The following ZNF488 variants were observed in gnomAD, a reference collection of about 807,000 sequenced individuals.
ZNF488 encodes the protein zinc finger protein 488.
Under a neutral mutation model 1.2 loss-of-function variants are expected in ZNF488, and 1 was observed. The observed-to-expected ratio is 0.86, with a 90% confidence interval of 0.30 to 4.07. The LOEUF is 4.07. Ranked by LOEUF, ZNF488 falls within the 30% of genes most tolerant of loss-of-function variation. ZNF488 has a pLI of 0.18. For missense variants in ZNF488, 450 were observed against 437.9 expected (o/e 1.03, Z -0.25); for synonymous variants, 185 against 190.1 (o/e 0.97, Z 0.22).
chr10:47,378,282 T>C (rs1837771575), intron 1 of ZNF488, among the ~76,000 whole-genome samples: 1 of 152,212 alleles, frequency 6.6e-6, no homozygotes, highest in South Asian at 2.1e-4. Context: ...AGACATGCAC[T>C]GACCACATGT....
In ZNF488 at chr10:47,367,496, C is replaced by A. The variant is rs998173667; in HGVS notation, c.*311G>T. On this transcript the variant is annotated 3_prime_UTR_variant, in exon 2 of 2. Transcript: ENST00000585316. Reference sequence around the variant, plus strand: ...GGTCACAGCTAGTATGTGAAAGAGCCCAGATTCGAATCCAGGCTTGTGTGC... The same window carrying A: ...GGTCACAGCTAGTATGTGAAAGAGCACAGATTCGAATCCAGGCTTGTGTGC... The A allele has an allele frequency of 2.5e-6, 1 of 400,834 alleles. No homozygotes were observed. Among genetic ancestry groups the A allele is most frequent in the Non-Finnish European group, 4.6e-6 (1 of 215,824 alleles). The allele number at this position is 400,834 out of a possible 1,614,324, so 24.8% of individuals were successfully genotyped here.
intron 1 of ZNF488, among the ~76,000 whole-genome samples, chr10:47,380,026 C>T (rs957754813): frequency 2.0e-5 from 3 of 152,300 alleles, no homozygotes; most frequent in Admixed American, 6.5e-5. Flanking sequence ...CCTTCACAGA[C>T]ACCAGCTGCC....
chr10:47,376,408 C>T (rs1225786529), intron 1 of ZNF488, among the ~76,000 whole-genome samples: 4 of 152,266 alleles, frequency 2.6e-5, no homozygotes, highest in East Asian at 1.9e-4. Flanking sequence ...TTCCTGTAAA[C>T]GACCACTTTT....
At chr10:47,377,730 G>A (rs961576274) in intron 1 of ZNF488, among the ~76,000 whole-genome samples, 2 of 130,368 alleles carry the variant, frequency 1.5e-5, no homozygotes, top group South Asian at 2.5e-4. Context: ...GCTGCCACCC[G>A]GAGGCGCCGG....
chr10:47,377,671 TCACACACACACACACA>T (rs55901237), intron 1 of ZNF488, among the ~76,000 whole-genome samples: 31,274 of 104,958 alleles, frequency 0.3, 4,403 homozygotes, highest in East Asian at 0.54. Flanking sequence ...GCAATAACAA[TCACACACACACACACA>T]CACACACACA....
In ZNF488 at chr10:47,367,891, T is replaced by C; in HGVS notation, c.939A>G (p.Arg313=). ...ACACAGGGCAGGCAAGGGCCTCTTCTCTCCGCTTCTGAGAATGTGGGTCAG... is the reference window on the plus strand; with the variant it reads ...ACACAGGGCAGGCAAGGGCCTCTTCCCTCCGCTTCTGAGAATGTGGGTCAG... ...AGPDPHSQKR[R]EEALACPVCQ... Residue 313 remains arginine (R), a synonymous_variant, in exon 2 of 2, where the codon AGA becomes AGG. Coordinates refer to ENST00000585316, the MANE Select transcript of ZNF488 (RefSeq NM_153034.4). 1 of 1,614,044 alleles carries C rather than the reference T, an allele frequency of 6.2e-7. No homozygotes were observed. Among genetic ancestry groups the C allele is most frequent in the South Asian group, 1.1e-5 (1 of 91,086 alleles).
Position 47,368,785 on chromosome 10 carries a change from C to A in ZNF488, c.45G>T (p.Val15=). ...PPCLSVAPAL[V]ITMAAGKGAP... ...CTCCCTTCCCAGCTGCCATGGTGAT[C>A]ACCAGGGCCGGGGCCACAGATAAGC... The change falls in exon 2 of 2, where the codon GTG becomes GTT. Residue 15 remains valine, a synonymous_variant. Coordinates refer to ENST00000585316, the MANE Select transcript of ZNF488 (RefSeq NM_153034.4). The A allele has an allele frequency of 6.2e-7, 1 of 1,608,798 alleles. No individual in the cohort carries two copies. The highest frequency in any genetic ancestry group is 8.5e-7 in the Non-Finnish European group (1 of 1,177,816).
At chr10:47,382,966 G>T (rs1838036411) in intron 1 of ZNF488, among the ~76,000 whole-genome samples, 1 of 152,174 alleles carries the variant, frequency 6.6e-6, no homozygotes, top group African/African-American at 2.4e-5. Flanking sequence ...ATGTATTTGT[G>T]TGTGTTTGAA....
chr10:47,377,194 G>T (rs1445315734), intron 1 of ZNF488, among the ~76,000 whole-genome samples: 3 of 152,136 alleles, frequency 2.0e-5, no homozygotes, highest in Admixed American at 1.3e-4. Context: ...AGGAATACGC[G>T]ATCTCTACGA....
In ZNF488 at chr10:47,368,552, G is replaced by A. The variant is rs1555213297; in HGVS notation, c.278C>T (p.Thr93Ile). Residue 93 changes from threonine (T) to isoleucine (I), a missense_variant, in exon 2 of 2, where the codon ACA (threonine) becomes ATA (isoleucine). Transcript: ENST00000585316. Reference sequence around the variant, plus strand: ...GGCGCTCTGCCTCTGCTCTCCACGTGTCTTCGGGGGCAGCGGCTTGCCAGG... The same window carrying A: ...GGCGCTCTGCCTCTGCTCTCCACGTATCTTCGGGGGCAGCGGCTTGCCAGG... The part of the protein sequence containing the change: ...PRPGKPLPPK[T>I]RGEQRQSAFT... 2 of 1,613,336 alleles carry A rather than the reference G, an allele frequency of 1.2e-6. No homozygotes were observed.
intron 1 of ZNF488, among the ~76,000 whole-genome samples, chr10:47,379,597 C>T (rs1245147193): frequency 6.6e-6 from 1 of 152,220 alleles, no homozygotes; most frequent in East Asian, 1.9e-4. Context: ...TCCTCCAGAA[C>T]CCCAACAGAA....
intron 1 of ZNF488, among the ~76,000 whole-genome samples, chr10:47,377,701 ACACACACACACACAC>A (rs1837741040): frequency 1.3e-5 from 2 of 150,144 alleles, no homozygotes; most frequent in African/African-American, 4.9e-5. Context: ...ACACACACAC[ACACACACACACACAC>A]ACGGCTGCCA....
chr10:47,380,197 T>G (rs1350580538), intron 1 of ZNF488, among the ~76,000 whole-genome samples: 1 of 152,272 alleles, frequency 6.6e-6, no homozygotes, highest in East Asian at 1.9e-4. Context: ...TCATTGTGAG[T>G]GTCCTGGGAA....
rs1555213047 is a variant in ZNF488 at position 47,367,885 on chromosome 10, C to T, written c.945G>A (p.Glu315=). 6.2e-7 allele frequency: 1 copy of T among 1,614,054 alleles called. No homozygotes were observed. Among genetic ancestry groups the T allele is most frequent in the African/African-American group, 1.3e-5 (1 of 75,054 alleles). ...CCTGGCACACAGGGCAGGCAAGGGCCTCTTCTCTCCGCTTCTGAGAATGTG... is the reference window on the plus strand; with the variant it reads ...CCTGGCACACAGGGCAGGCAAGGGCTTCTTCTCTCCGCTTCTGAGAATGTG... ...PDPHSQKRRE[E]ALACPVCQEH... Residue 315 remains glutamate, a synonymous_variant, in exon 2 of 2, where the codon GAG becomes GAA. Coordinates refer to ENST00000585316, the MANE Select transcript of ZNF488 (RefSeq NM_153034.4).
In ZNF488 at chr10:47,368,296, T is replaced by A. The variant is rs1837308094; in HGVS notation, c.534A>T (p.Ser178=). The A allele has an allele frequency of 6.2e-7, 1 of 1,614,212 alleles. No individual in the cohort carries two copies. The highest frequency in any genetic ancestry group is 8.5e-7 in the Non-Finnish European group (1 of 1,180,030). Residue 178 remains serine (S), a synonymous_variant, in exon 2 of 2, where the codon TCA becomes TCT. Coordinates refer to ENST00000585316, the MANE Select transcript of ZNF488 (RefSeq NM_153034.4). The part of the protein sequence containing the change: ...KRPAERPELT[S]VFPAGESADA... ...CTGCAGATTCCCCTGCAGGGAAGAC[T>A]GAGGTTAGCTCAGGCCTCTCTGCTG...
In ZNF488 at chr10:47,367,977, G is replaced by T; in HGVS notation, c.853C>A (p.Arg285Ser). 6.2e-7 allele frequency: 1 copy of T among 1,614,150 alleles called. No individual in the cohort carries two copies. The highest frequency in any genetic ancestry group is 8.5e-7 in the Non-Finnish European group (1 of 1,180,032). The change falls in exon 2 of 2, where the codon CGC becomes AGC. Residue 285 changes from arginine (R) to serine (S), a missense_variant. Coordinates refer to ENST00000585316, the MANE Select transcript of ZNF488 (RefSeq NM_153034.4). ...TGAAAGACCAGGTCGGACGTTAGGC[G>T]AAAGGACAGGTTGCACTTTGCACAC... is the stretch of plus-strand genomic sequence containing the variant. ...NWCAKCNLSF[R>S]LTSDLVFHMR...
chr10:47,368,254 C>G lies in ZNF488; in HGVS notation c.576G>C (p.Leu192=). Reference sequence around the variant, plus strand: ...GGTCTGTAGTGTTGAGGAGTCCAGACAGCTCCCCCAGGGCATCTGCAGATT... The same window carrying G: ...GGTCTGTAGTGTTGAGGAGTCCAGAGAGCTCCCCCAGGGCATCTGCAGATT... ...AGESADALGE[L]SGLLNTTDLA... is the part of the protein sequence containing the mutation. The change falls in exon 2 of 2, where the codon CTG becomes CTC. Residue 192 remains leucine (L), a synonymous_variant. Transcript: ENST00000585316. 2 of 1,614,234 alleles carry G rather than the reference C, an allele frequency of 1.2e-6. No individual in the cohort carries two copies. The highest frequency in any genetic ancestry group is 1.7e-6 in the Non-Finnish European group (2 of 1,180,042).
rs76541972 is a variant in ZNF488, at chr10:47,367,798, G to C, written c.*9C>G. ...TGCTGCACCCAGCAGGTCATTCTGCGGTCACCTGCTAGCTGTGAGAAGTCA... is the reference window on the plus strand; with the variant it reads ...TGCTGCACCCAGCAGGTCATTCTGCCGTCACCTGCTAGCTGTGAGAAGTCA... On this transcript the variant is annotated 3_prime_UTR_variant, in exon 2 of 2. Transcript: ENST00000585316. 2 of 1,600,676 alleles carry C rather than the reference G, an allele frequency of 1.2e-6. No homozygotes were observed. Among genetic ancestry groups the C allele is most frequent in the Non-Finnish European group, 1.7e-6 (2 of 1,173,640 alleles).
chr10:47,367,400 G>A lies in ZNF488; in HGVS notation c.*407C>T, dbSNP rs1588872180. 4.7e-6 allele frequency: 1 copy of A among 212,714 alleles called. No homozygotes were observed. The highest frequency in any genetic ancestry group is 1.4e-4 in the East Asian group (1 of 7,240). 13.2% of individuals were successfully genotyped at this position (212,714 alleles called of 1,614,324 possible). A position where few individuals can be genotyped will look rare whatever the true frequency, so the allele number is the denominator to read the frequency against. ...TCATGTGACCTGAATGCCAACCTAA[G>A]ACACAGTGTTATCATCTCCATTTCA... On this transcript the variant is annotated 3_prime_UTR_variant, in exon 2 of 2. Coordinates refer to ENST00000585316, the MANE Select transcript of ZNF488 (RefSeq NM_153034.4).
Sources: allele counts gnomAD v4.1 joint callset (sites outside exome capture counted in the v4.1 genomes callset), GRCh38; gene constraint gnomAD v4.1.1; transcripts MANE v1.5; gene names NCBI Gene and HGNC (gene_info 2026-07-23, HGNC 2026-07-21).